Variants in PRDM1 observed in about 807,000 individuals in gnomAD.
PRDM1 encodes PR domain zinc finger protein 1.
PRDM1 carries 13 observed loss-of-function variants against 62.8 expected under a neutral mutation model. The ratio of observed to expected loss-of-function variants is 0.21; its 90% CI spans 0.13 to 0.33. The LOEUF (loss-of-function observed/expected upper bound fraction) is 0.33. Ranked by LOEUF, PRDM1 falls within the 10% of genes least tolerant of loss-of-function variation. PRDM1 has a pLI of 1.00. For synonymous variants in PRDM1, 396 were observed against 417.6 expected (o/e 0.95, Z 0.63); for missense variants, 895 against 1,058.8 (o/e 0.85, Z 2.15).
chr6:106,085,770 C>G (rs575898149), upstream of PRDM1, among the ~76,000 whole-genome samples: 409 of 148,940 alleles, frequency 2.7e-3, no homozygotes, highest in Non-Finnish European at 4.2e-3. Flanking sequence ...GCCTATTTCC[C>G]TATTTACTAA....
At chr6:106,030,922 AG>A (rs1317182841) in intron 1 of PRDM1, among the ~76,000 whole-genome samples, 1 of 151,670 alleles carries the variant, frequency 6.6e-6, no homozygotes, top group Non-Finnish European at 1.5e-5. Flanking sequence ...TATGATTAAA[AG>A]CTTCTGGAAG....
chr6:106,104,218 T>G (rs1429720614), intron 4 of PRDM1, among the ~76,000 whole-genome samples: 3 of 151,970 alleles, frequency 2.0e-5, no homozygotes, highest in African/African-American at 7.3e-5. Context: ...TTTTTTTTTT[T>G]TTTCTTTTTT....
intron 1 of PRDM1, among the ~76,000 whole-genome samples, chr6:106,037,386 A>G (rs567117192): frequency 6.6e-6 from 1 of 152,140 alleles, no homozygotes; most frequent in Non-Finnish European, 1.5e-5. Context: ...GTTTATATTC[A>G]TATCTCTCAT....
At chr6:106,026,553 G>A (rs1364246709) in intron 1 of PRDM1, among the ~76,000 whole-genome samples, 1 of 152,162 alleles carries the variant, frequency 6.6e-6, no homozygotes, top group African/African-American at 2.4e-5. Context: ...TTCGTCTGGT[G>A]TAGTGGGAGG....
At chr6:106,002,829 A>T (rs1015031943) in intron 1 of PRDM1, among the ~76,000 whole-genome samples, 1 of 152,014 alleles carries the variant, frequency 6.6e-6, no homozygotes, top group African/African-American at 2.4e-5. Flanking sequence ...ATTTTTCTCA[A>T]TTTTTCATCC....
intron 1 of PRDM1, among the ~76,000 whole-genome samples, chr6:106,026,139 T>C (rs373809662): frequency 2.0e-5 from 3 of 152,194 alleles, no homozygotes; most frequent in Non-Finnish European, 4.4e-5. Flanking sequence ...TTCATTGTAA[T>C]ATAGTCTTCG....
chr6:106,070,893 A>G lies in PRDM1; in HGVS notation c.-66-17308A>G, dbSNP rs544050808. 2.0e-5 allele frequency among the ~76,000 whole-genome samples: 3 copies of G among 152,324 alleles called. No homozygotes were observed. In the South Asian group the frequency reaches 6.2e-4, roughly 32 times the overall value. Reference sequence around the variant, plus strand: ...TTGCTACTTTCAAATATTTATTCTGAAGGCAATCTTCCAGATTTGAACAAC... The same window carrying G: ...TTGCTACTTTCAAATATTTATTCTGGAGGCAATCTTCCAGATTTGAACAAC... On this transcript the variant is annotated intron_variant, in intron 1 of 6. Transcript: ENST00000651185.
intron 1 of PRDM1, among the ~76,000 whole-genome samples, chr6:106,058,411 T>TC (rs774338643): frequency 6.6e-5 from 10 of 152,054 alleles, no homozygotes; most frequent in Non-Finnish European, 1.0e-4. Flanking sequence ...CCACATTACC[T>TC]CCCAAAGATC....
rs1337660930 is a variant in PRDM1 at position 106,107,967 on chromosome 6, A to T, written c.*481A>T. The T allele has an allele frequency of 1.3e-5, 3 of 232,746 alleles. No individual in the cohort carries two copies. The highest frequency in any genetic ancestry group is 2.6e-5 in the Non-Finnish European group (3 of 117,494). 14.4% of individuals were successfully genotyped at this position (232,746 alleles called of 1,614,324 possible). A position where few individuals can be genotyped will look rare whatever the true frequency, so the allele number is the denominator to read the frequency against. On this transcript the variant is annotated 3_prime_UTR_variant, in exon 7 of 7. Coordinates refer to ENST00000369096, the MANE Select transcript of PRDM1 (RefSeq NM_001198.4). Reference sequence around the variant, plus strand: ...TTTGTCTTGTGGCCATTCTTTGTAGATAATTTCTGCACATCTGTATAAGTA... The same window carrying T: ...TTTGTCTTGTGGCCATTCTTTGTAGTTAATTTCTGCACATCTGTATAAGTA...
chr6:106,015,903 A>G (rs2114554386), intron 1 of PRDM1, among the ~76,000 whole-genome samples: 1 of 152,168 alleles, frequency 6.6e-6, no homozygotes, highest in South Asian at 2.1e-4. Context: ...GTTTATTCCC[A>G]ACATTGTACA....
intron 1 of PRDM1, among the ~76,000 whole-genome samples, chr6:105,996,858 T>A (rs1772354750): frequency 2.0e-5 from 3 of 152,212 alleles, no homozygotes; most frequent in Admixed American, 2.0e-4. Flanking sequence ...TTAAATGTGA[T>A]TTCCGCCAAA....
intron 1 of PRDM1, among the ~76,000 whole-genome samples, chr6:106,069,769 C>T (rs1773482517): frequency 6.6e-6 from 1 of 152,208 alleles, no homozygotes; most frequent in African/African-American, 2.4e-5. Context: ...CTCTCGTGTG[C>T]TCCACTGTAA....
intron 1 of PRDM1, among the ~76,000 whole-genome samples, chr6:106,057,623 G>A (rs771557799): frequency 2.6e-5 from 4 of 152,074 alleles, no homozygotes; most frequent in Non-Finnish European, 5.9e-5. Flanking sequence ...CCTTACATAT[G>A]TCTATGCAGA....
At position 106,086,512 on chromosome 6, in the gene PRDM1, G is replaced by A. The variant is rs1234130174; in HGVS notation, c.-42G>A. 5 of 1,538,792 alleles carry A rather than the reference G, an allele frequency of 3.2e-6. No individual in the cohort carries two copies. Among genetic ancestry groups the A allele is most frequent in the Non-Finnish European group, 3.5e-6 (4 of 1,137,232 alleles). Reference sequence around the variant, plus strand: ...CGGCTCAGCCTGGCGGGGGACGCGGGGAGAATGTGGACTGGGTAGAGATGA... The same window carrying A: ...CGGCTCAGCCTGGCGGGGGACGCGGAGAGAATGTGGACTGGGTAGAGATGA... On this transcript the variant is annotated 5_prime_UTR_variant, in exon 1 of 7. Transcript: ENST00000369096.
chr6:106,102,946 C>G (rs2114645763), intron 4 of PRDM1, among the ~76,000 whole-genome samples: 1 of 152,308 alleles, frequency 6.6e-6, no homozygotes, highest in South Asian at 2.1e-4. Context: ...CCTTGCCTAT[C>G]AGTTTTCAAG....
chr6:106,098,654 GC>G, intron 3 of PRDM1: 1 of 1,342,512 alleles, frequency 7.4e-7, no homozygotes, highest in South Asian at 1.2e-5. Context: ...TCGGGCTGCT[GC>G]CCGAGTGTTC....
intron 1 of PRDM1, among the ~76,000 whole-genome samples, chr6:106,059,232 T>G (rs1040674062): frequency 2.0e-5 from 3 of 152,140 alleles, no homozygotes; most frequent in African/African-American, 7.2e-5. Flanking sequence ...ATAGTAGAAA[T>G]AAAACAGTGT....
rs60217130 is a variant in PRDM1, at chr6:106,107,677, C to CATAT, written c.*210_*213dup. ...CTCAGGGCATGAACAAGGCAAAGGCCATATATATATATATATATATATCTG... is the reference window on the plus strand; with the variant it reads ...CTCAGGGCATGAACAAGGCAAAGGCCATATATATATATATATATATATATATCTG... On this transcript the variant is annotated 3_prime_UTR_variant, in exon 7 of 7. Transcript: ENST00000369096. 0.17 allele frequency: 33,872 copies of CATAT among 197,952 alleles called. 2,765 individuals carry two copies. Among genetic ancestry groups the CATAT allele is most frequent in the African/African-American group, 0.22 (9,001 of 40,956 alleles). 12.3% of individuals were successfully genotyped at this position (197,952 alleles called of 1,614,324 possible). A position where few individuals can be genotyped will look rare whatever the true frequency, so the allele number is the denominator to read the frequency against.
intron 1 of PRDM1, among the ~76,000 whole-genome samples, chr6:106,000,376 G>C (rs901662957): frequency 2.0e-5 from 3 of 152,134 alleles, no homozygotes; most frequent in Admixed American, 6.5e-5. Flanking sequence ...TGAAGCCAGA[G>C]GTTCAAGGCT....
Sources: allele counts gnomAD v4.1 joint callset (sites outside exome capture counted in the v4.1 genomes callset), GRCh38; gene constraint gnomAD v4.1.1; transcripts MANE v1.5; gene names NCBI Gene and HGNC (gene_info 2026-07-23, HGNC 2026-07-21).